The following APBB1IP variants were observed in gnomAD, a reference collection of about 807,000 sequenced individuals.
APBB1IP encodes amyloid beta A4 precursor protein-binding family B member 1-interacting protein.
A neutral mutation model predicts 64.9 loss-of-function variants in APBB1IP; 27 were observed. The ratio of observed to expected loss-of-function variants is 0.42; its 90% CI spans 0.31 to 0.57. The LOEUF is 0.57. APBB1IP is among the 20% of genes least tolerant of loss of function. The probability of loss-of-function intolerance (pLI) is 0.20; values close to 1 mark genes in which losing one functional copy is unlikely to be tolerated. For missense variants in APBB1IP, 812 were observed against 845.5 expected, an observed-to-expected ratio of 0.96 and a Z score of 0.49; for synonymous variants, 392 against 331.0, an observed-to-expected ratio of 1.18 and a Z score of -2.00.
At chr10:26,526,843 T>C (rs1000736455) in intron 8 of APBB1IP, among the ~76,000 whole-genome samples, 6 of 152,202 alleles carry the variant, frequency 3.9e-5, no homozygotes, top group African/African-American at 1.2e-4. Context: ...TCACTATTGA[T>C]ATTTTAGGCA....
At chr10:26,511,359 A>T (rs2132445720) in intron 6 of APBB1IP, among the ~76,000 whole-genome samples, 1 of 152,244 alleles carries the variant, frequency 6.6e-6, no homozygotes, top group South Asian at 2.1e-4. Flanking sequence ...AATAATAATA[A>T]TAAAGATACA....
chr10:26,532,061 G>A (rs1836561677), intron 8 of APBB1IP, among the ~76,000 whole-genome samples: 2 of 152,148 alleles, frequency 1.3e-5, no homozygotes, highest in Non-Finnish European at 2.9e-5. Context: ...GTGTAGCCCA[G>A]GAACATGCAT....
intron 11 of APBB1IP, among the ~76,000 whole-genome samples, chr10:26,542,827 A>T (rs2132470317): frequency 6.6e-6 from 1 of 151,762 alleles, no homozygotes; most frequent in Non-Finnish European, 1.5e-5. Context: ...TAATAATAAA[A>T]ACCACTATAC....
intron 2 of APBB1IP, among the ~76,000 whole-genome samples, chr10:26,476,582 A>G (rs902698773): frequency 6.6e-6 from 1 of 152,042 alleles, no homozygotes. Context: ...CATTATTTAC[A>G]TTCTGCTACA....
intron 2 of APBB1IP, among the ~76,000 whole-genome samples, chr10:26,461,549 A>G (rs944752218): frequency 3.3e-5 from 5 of 151,888 alleles, no homozygotes; most frequent in African/African-American, 1.2e-4. Context: ...TTTTAGGAAT[A>G]AGCTTTTATT....
At chr10:26,550,219 T>G (rs938465862) in intron 11 of APBB1IP, among the ~76,000 whole-genome samples, 1 of 152,132 alleles carries the variant, frequency 6.6e-6, no homozygotes, top group Non-Finnish European at 1.5e-5. Flanking sequence ...GATTATGATA[T>G]ATATTGGAGT....
chr10:26,517,421 T>A (rs1276934610), intron 8 of APBB1IP, among the ~76,000 whole-genome samples: 1 of 152,220 alleles, frequency 6.6e-6, no homozygotes, highest in Non-Finnish European at 1.5e-5. Flanking sequence ...ACTTTATATA[T>A]GAAATGGAAT....
At chr10:26,522,282 G>A (rs895766179) in intron 8 of APBB1IP, among the ~76,000 whole-genome samples, 1 of 151,764 alleles carries the variant, frequency 6.6e-6, no homozygotes, top group African/African-American at 2.4e-5. Context: ...TATATATCCC[G>A]TGCCTTCACA....
intron 2 of APBB1IP, among the ~76,000 whole-genome samples, chr10:26,478,160 T>C (rs1835796730): frequency 6.6e-6 from 1 of 152,080 alleles, no homozygotes; most frequent in African/African-American, 2.4e-5. Context: ...GGCTCAGTAA[T>C]GAGGAGACAT....
intron 6 of APBB1IP, among the ~76,000 whole-genome samples, chr10:26,507,390 AGGTGGCTG>A (rs1836195725): frequency 6.6e-6 from 1 of 152,224 alleles, no homozygotes; most frequent in Non-Finnish European, 1.5e-5. Context: ...TCCCAGCTAC[AGGTGGCTG>A]AGGCGGGAGG....
At chr10:26,559,008 T>A (rs1286958098) in intron 11 of APBB1IP, among the ~76,000 whole-genome samples, 1 of 152,144 alleles carries the variant, frequency 6.6e-6, no homozygotes, top group East Asian at 1.9e-4. Flanking sequence ...GGGCAGCACA[T>A]AGCAGTTAAG....
intron 2 of APBB1IP, among the ~76,000 whole-genome samples, chr10:26,442,426 T>A (rs926664875): frequency 3.3e-5 from 5 of 152,194 alleles, no homozygotes; most frequent in Admixed American, 2.6e-4. Flanking sequence ...TTTTTCTAAT[T>A]CTGTTGGGGA....
At chr10:26,459,979 C>G (rs1435969307) in intron 2 of APBB1IP, among the ~76,000 whole-genome samples, 1 of 152,028 alleles carries the variant, frequency 6.6e-6, no homozygotes, top group Non-Finnish European at 1.5e-5. Context: ...CTATTATTTT[C>G]TATTTACTTA....
intron 4 of APBB1IP, among the ~76,000 whole-genome samples, chr10:26,500,235 G>T (rs565186216): frequency 8.6e-4 from 128 of 149,638 alleles, no homozygotes; most frequent in Non-Finnish European, 1.5e-3. Flanking sequence ...AAGAAAGAAA[G>T]AAAAAAGAAA....
chr10:26,455,176 G>A (rs376012061), intron 2 of APBB1IP, among the ~76,000 whole-genome samples: 3 of 152,164 alleles, frequency 2.0e-5, no homozygotes, highest in Non-Finnish European at 4.4e-5. Flanking sequence ...GATATTGCTC[G>A]GCTAATTTAA....
chr10:26,551,623 T>C (rs534960671), intron 11 of APBB1IP, among the ~76,000 whole-genome samples: 1 of 152,304 alleles, frequency 6.6e-6, no homozygotes, highest in South Asian at 2.1e-4. Context: ...CGTTAGGAAG[T>C]AGTGGAATGT....
chr10:26,487,924 A>T (rs1041812391), intron 2 of APBB1IP, among the ~76,000 whole-genome samples: 2 of 152,222 alleles, frequency 1.3e-5, no homozygotes, highest in Non-Finnish European at 2.9e-5. Flanking sequence ...TGAGGTCAGC[A>T]AACAAATCTA....
intron 11 of APBB1IP, among the ~76,000 whole-genome samples, chr10:26,547,851 C>A (rs1436612748): frequency 6.6e-6 from 1 of 152,192 alleles, no homozygotes; most frequent in Non-Finnish European, 1.5e-5. Context: ...GTTAACCCAA[C>A]ACTGTTTATT....
chr10:26,533,417 G>C, intron 8 of APBB1IP, 22 bp from the exon 9 acceptor site: 1 of 1,484,948 alleles, frequency 6.7e-7, no homozygotes, highest in East Asian at 2.3e-5. Context: ...TTACTGATCT[G>C]ATCTTTTAAC....
Sources: gnomAD v4.1 joint callset for allele counts (sites outside exome capture counted in the v4.1 genomes callset) on GRCh38, gnomAD v4.1.1 for gene constraint, MANE v1.5 for transcripts, NCBI Gene and HGNC (gene_info 2026-07-23, HGNC 2026-07-21) for gene names.